The following CCDC102B variants were observed in gnomAD, a reference collection of about 807,000 sequenced individuals.
The protein encoded by CCDC102B is coiled-coil domain containing 102B, also known as coiled-coil domain-containing protein 102B.
Under a neutral mutation model 57.4 loss-of-function variants are expected in CCDC102B, and 75 were observed. The ratio of observed to expected loss-of-function variants is 1.31; its 90% CI spans 1.08 to 1.58. The LOEUF is 1.58. Among genes scored for constraint, CCDC102B ranks in the 40% most tolerant of loss-of-function variants. CCDC102B has a pLI of 0.00. For missense variants in CCDC102B, 636 were observed against 582.6 expected, an observed-to-expected ratio of 1.09 and a Z score of -0.94; for synonymous variants, 206 against 201.9, an observed-to-expected ratio of 1.02 and a Z score of -0.17.
chr18:68,737,490 ATG>A (rs927944733), intron 2 of CCDC102B, among the ~76,000 whole-genome samples: 1 of 150,580 alleles, frequency 6.6e-6, no homozygotes, highest in Non-Finnish European at 1.5e-5. Flanking sequence ...TGGTGTGTGT[ATG>A]TGTGTGTGTC....
chr18:69,025,891 G>T (rs144020446), intron 7 of CCDC102B, among the ~76,000 whole-genome samples: 169 of 152,272 alleles, frequency 1.1e-3, no homozygotes, highest in African/African-American at 3.8e-3. Context: ...ACATGCTGGG[G>T]TGGAGGTAAA....
At chr18:68,998,766 C>G in intron 6 of CCDC102B, among the ~76,000 whole-genome samples, 1 of 151,878 alleles carries the variant, frequency 6.6e-6, no homozygotes, top group East Asian at 1.9e-4. Context: ...TTCCATGCTC[C>G]TCTGCCTGCT....
chr18:68,730,450 A>G (rs1490399386), intron 2 of CCDC102B, among the ~76,000 whole-genome samples: 2 of 152,174 alleles, frequency 1.3e-5, no homozygotes, highest in African/African-American at 4.8e-5. Flanking sequence ...ATACTTTTCC[A>G]GGACTCCGAA....
chr18:68,896,974 A>G (rs1384292197), intron 5 of CCDC102B, among the ~76,000 whole-genome samples: 1 of 152,106 alleles, frequency 6.6e-6, no homozygotes, highest in African/African-American at 2.4e-5. Context: ...TTTGAAAAAT[A>G]TGGTACATAT....
chr18:68,797,830 T>A (rs1011915331), upstream of CCDC102B, among the ~76,000 whole-genome samples: 3 of 151,302 alleles, frequency 2.0e-5, no homozygotes, highest in Non-Finnish European at 4.4e-5. Flanking sequence ...AATTAAACAT[T>A]AAGAACACTT....
At chr18:68,895,434 A>T (rs2040209191) in intron 5 of CCDC102B, among the ~76,000 whole-genome samples, 1 of 151,818 alleles carries the variant, frequency 6.6e-6, no homozygotes, top group South Asian at 2.1e-4. Flanking sequence ...TATTGTTGAA[A>T]TGTAACATTT....
At chr18:68,904,795 A>T (rs1227607100) in intron 6 of CCDC102B, among the ~76,000 whole-genome samples, 1 of 152,170 alleles carries the variant, frequency 6.6e-6, no homozygotes, top group African/African-American at 2.4e-5. Context: ...ACTTAAGTGG[A>T]TAAGGTTTTG....
chr18:68,803,897 C>G (rs189230061), intron 1 of CCDC102B, among the ~76,000 whole-genome samples: 153 of 152,260 alleles, frequency 1.0e-3, no homozygotes, highest in African/African-American at 3.5e-3. Flanking sequence ...ACTACAACCA[C>G]TTTATTCTGA....
At chr18:68,715,996 A>G (rs2031947200) in intron 1 of CCDC102B, among the ~76,000 whole-genome samples, 1 of 152,218 alleles carries the variant, frequency 6.6e-6, no homozygotes, top group Admixed American at 6.5e-5. Flanking sequence ...AGTGACTAGA[A>G]GATTAAATTG....
chr18:68,854,025 G>T (rs756140167), intron 4 of CCDC102B, among the ~76,000 whole-genome samples: 1 of 151,930 alleles, frequency 6.6e-6, no homozygotes, highest in Non-Finnish European at 1.5e-5. Flanking sequence ...AAATGGTTCC[G>T]TTCAAAAATG....
At chr18:68,809,390 G>A (rs1315746026) in intron 1 of CCDC102B, among the ~76,000 whole-genome samples, 1 of 152,144 alleles carries the variant, frequency 6.6e-6, no homozygotes, top group East Asian at 1.9e-4. Context: ...CACAGTTTAA[G>A]TTTGTGTTAT....
chr18:68,897,875 CT>C (rs1351077708), intron 6 of CCDC102B: 48 of 211,806 alleles, frequency 2.3e-4, no homozygotes, highest in Admixed American at 7.3e-4. Context: ...CTTTCTGGTT[CT>C]TTTTTGTCAG....
At chr18:68,775,973 T>A (rs142619740) in intron 2 of CCDC102B, among the ~76,000 whole-genome samples, 160 of 152,262 alleles carry the variant, frequency 1.1e-3, no homozygotes, top group African/African-American at 3.8e-3. Flanking sequence ...TATTAATTCA[T>A]GATATGCAGA....
chr18:68,778,556 A>G (rs1003313826), intron 2 of CCDC102B, among the ~76,000 whole-genome samples: 7 of 152,100 alleles, frequency 4.6e-5, no homozygotes, highest in Non-Finnish European at 8.8e-5. Context: ...TAAGTAGTGA[A>G]CAAACAAAGA....
At chr18:68,934,168 A>G (rs960134129) in intron 6 of CCDC102B, among the ~76,000 whole-genome samples, 1 of 151,988 alleles carries the variant, frequency 6.6e-6, no homozygotes, top group Non-Finnish European at 1.5e-5. Context: ...TTCTTAGTGT[A>G]GTAGCAAATA....
chr18:68,742,433 T>C (rs1292341839), intron 2 of CCDC102B, among the ~76,000 whole-genome samples: 1 of 152,188 alleles, frequency 6.6e-6, no homozygotes, highest in East Asian at 1.9e-4. Context: ...CATTGACACA[T>C]ACCATGGGTT....
chr18:69,057,916 G>A (rs2052842473), downstream of CCDC102B, among the ~76,000 whole-genome samples: 1 of 151,992 alleles, frequency 6.6e-6, no homozygotes, highest in Non-Finnish European at 1.5e-5. Context: ...TATTGCTGAA[G>A]TTTGCTATAT....
At chr18:68,912,557 A>G (rs978189018) in intron 6 of CCDC102B, among the ~76,000 whole-genome samples, 3 of 152,202 alleles carry the variant, frequency 2.0e-5, no homozygotes, top group African/African-American at 7.2e-5. Flanking sequence ...TAGCCTTTAT[A>G]TTTGCATTGA....
intron 6 of CCDC102B, among the ~76,000 whole-genome samples, chr18:68,979,616 T>G (rs948520726): frequency 6.6e-5 from 10 of 152,096 alleles, no homozygotes; most frequent in African/African-American, 2.2e-4. Flanking sequence ...TAGGATAAAA[T>G]GCAGTTCCCT....
Sources: allele counts gnomAD v4.1 joint callset (sites outside exome capture counted in the v4.1 genomes callset), GRCh38; gene constraint gnomAD v4.1.1; transcripts MANE v1.5; gene names NCBI Gene and HGNC (gene_info 2026-07-23, HGNC 2026-07-21).